The following ELFN2 variants were observed in gnomAD, a reference collection of about 807,000 sequenced individuals.
ELFN2 encodes extracellular leucine rich repeat and fibronectin type III domain containing 2.
In ELFN2, 17 loss-of-function variants were observed where a neutral mutation model predicts 45.5. That is an observed-to-expected ratio of 0.37 (90% CI 0.26 to 0.56). The LOEUF is 0.56. Among genes scored for constraint, ELFN2 ranks in the 20% least tolerant of loss-of-function variants. The pLI is 0.77. For missense variants in ELFN2, 922 were observed against 1,183.2 expected (o/e 0.78, Z 3.24); for synonymous variants, 550 against 551.5 (o/e 1.00, Z 0.04).
chr22:37,410,912 C>A (rs1470761266), intron 2 of ELFN2, among the ~76,000 whole-genome samples: 1 of 152,200 alleles, frequency 6.6e-6, no homozygotes, highest in Non-Finnish European at 1.5e-5. Flanking sequence ...CCTGACCTAG[C>A]ACCCAGAACC....
intron 2 of ELFN2, among the ~76,000 whole-genome samples, chr22:37,395,683 A>G (rs1405547947): frequency 6.6e-6 from 1 of 152,138 alleles, no homozygotes; most frequent in Non-Finnish European, 1.5e-5. Flanking sequence ...TGGACAAGAC[A>G]ACCTGGGGGT....
chr22:37,402,604 G>T (rs6000715), intron 2 of ELFN2, among the ~76,000 whole-genome samples: 73,350 of 151,934 alleles, frequency 0.48, 18,123 homozygotes, highest in African/African-American at 0.57. Flanking sequence ...CAAGGAAGGG[G>T]CTGTGGAGCC....
At chr22:37,399,980 A>G (rs1009673639) in intron 2 of ELFN2, among the ~76,000 whole-genome samples, 3 of 152,174 alleles carry the variant, frequency 2.0e-5, no homozygotes, top group Admixed American at 6.5e-5. Flanking sequence ...TGAGGCACAG[A>G]GAAGGGAAAC....
downstream of ELFN2, among the ~76,000 whole-genome samples, chr22:37,366,024 T>C (rs1931198517): frequency 6.6e-6 from 1 of 152,242 alleles, no homozygotes. Context: ...ATGGCTCACA[T>C]GTTAAGATGC....
chr22:37,417,355 G>A lies in ELFN2; in HGVS notation c.-463+414C>T, dbSNP rs1488818039. On this transcript the variant is annotated intron_variant, in intron 2 of 2. Transcript: ENST00000402918. This position sits in a 1 kb window ranked among gnomAD's most constrained non-coding sequence, Gnocchi z 4.5. The stretch of plus-strand genomic sequence containing the variant: ...ACAATGGACAGACCCCCACCTGAGC[G>A]AGACCCCCACCATGTTGTCCCAGGC... 6.6e-6 allele frequency among the ~76,000 whole-genome samples: 1 copy of A among 152,098 alleles called. No individual in the cohort carries two copies. Among genetic ancestry groups the A allele is most frequent in the East Asian group, 1.9e-4 (1 of 5,194 alleles).
intron 2 of ELFN2, among the ~76,000 whole-genome samples, chr22:37,396,789 G>A (rs771242374): frequency 5.3e-5 from 8 of 152,112 alleles, no homozygotes; most frequent in Non-Finnish European, 7.4e-5. Flanking sequence ...GCTCGGTCAT[G>A]GTCACCACTG....
chr22:37,356,071 G>T (rs1303860118), intron 1 of ELFN2, among the ~76,000 whole-genome samples: 2 of 152,318 alleles, frequency 1.3e-5, no homozygotes, highest in Middle Eastern at 3.4e-3. Context: ...CCAGGAGGGA[G>T]CAACCGGGGA....
At chr22:37,402,802 G>A (rs1274724530) in intron 2 of ELFN2, among the ~76,000 whole-genome samples, 1 of 152,188 alleles carries the variant, frequency 6.6e-6, no homozygotes, top group Non-Finnish European at 1.5e-5. Flanking sequence ...AGGAGGCTGA[G>A]CAGAAGCCAG....
chr22:37,411,905 C>A (rs1292536762), intron 2 of ELFN2, among the ~76,000 whole-genome samples: 1 of 152,098 alleles, frequency 6.6e-6, no homozygotes, highest in Non-Finnish European at 1.5e-5. Context: ...TCACTTCCCA[C>A]CACCAAACAG....
intron 1 of ELFN2, among the ~76,000 whole-genome samples, chr22:37,356,443 G>A (rs1044121224): frequency 1.3e-5 from 2 of 151,902 alleles, no homozygotes; most frequent in Non-Finnish European, 2.9e-5. Context: ...GGGATTCAGG[G>A]TCCTAGAGGT....
chr22:37,404,847 CCT>C (rs2145675262), intron 2 of ELFN2, among the ~76,000 whole-genome samples: 1 of 152,306 alleles, frequency 6.6e-6, no homozygotes, highest in Non-Finnish European at 1.5e-5. Flanking sequence ...AGTCACTTCA[CCT>C]CTCTGAGCCT....
intron 2 of ELFN2, among the ~76,000 whole-genome samples, chr22:37,411,600 T>C (rs923059170): frequency 6.6e-6 from 1 of 151,898 alleles, no homozygotes; most frequent in African/African-American, 2.4e-5. Flanking sequence ...AAGGGCAACA[T>C]AGCCCTTCAT....
At chr22:37,358,057 AC>A (rs1455586185) in intron 1 of ELFN2, among the ~76,000 whole-genome samples, 1 of 152,066 alleles carries the variant, frequency 6.6e-6, no homozygotes, top group Non-Finnish European at 1.5e-5. Context: ...CAGCAGGTGG[AC>A]CTGGCGGGTC....
intron 1 of ELFN2, among the ~76,000 whole-genome samples, chr22:37,359,542 G>A (rs1017168671): frequency 3.9e-5 from 6 of 152,190 alleles, no homozygotes; most frequent in African/African-American, 7.2e-5. Context: ...ATTCTCGAGC[G>A]GCCCCTACCT....
intron 2 of ELFN2, among the ~76,000 whole-genome samples, chr22:37,389,671 G>A (rs974955466): frequency 1.6e-4 from 24 of 152,190 alleles, no homozygotes; most frequent in African/African-American, 5.1e-4. Context: ...ACTTGAACCC[G>A]GGTCTCTGCT....
At position 37,370,940 on chromosome 22, in the gene ELFN2, T is replaced by C. The variant is rs1931348308; in HGVS notation, c.*2132A>G. ...CCTGGCTTCTCTGCCTGCTTGCTTTTCTCAGTTGTGCCAAGGGGGTGTGAG... is the reference window on the plus strand; with the variant it reads ...CCTGGCTTCTCTGCCTGCTTGCTTTCCTCAGTTGTGCCAAGGGGGTGTGAG... On this transcript the variant is annotated 3_prime_UTR_variant, in exon 3 of 3. Transcript: ENST00000402918. 7.0e-6 allele frequency: 1 copy of C among 143,482 alleles called. No homozygotes were observed. The highest frequency in any genetic ancestry group is 1.5e-5 in the Non-Finnish European group (1 of 65,630). 8.9% of individuals were successfully genotyped at this position (143,482 alleles called of 1,614,324 possible). A position where few individuals can be genotyped will look rare whatever the true frequency, so the allele number is the denominator to read the frequency against.
chr22:37,359,174 G>T (rs5756648), intron 1 of ELFN2, among the ~76,000 whole-genome samples: 121,369 of 152,012 alleles, frequency 0.8, 49,042 homozygotes, highest in African/African-American at 0.92. Context: ...AAGGCCACCC[G>T]GCAGGGAATT....
chr22:37,348,161 T>C lies in ELFN2; in HGVS notation n.149-5458A>G, dbSNP rs531847632. Among the ~76,000 whole-genome samples the C allele has an allele frequency of 5.9e-5, 9 of 152,336 alleles. No individual in the cohort carries two copies. In the South Asian group the frequency reaches 1.4e-3, roughly 25 times the overall value. On this transcript the variant is annotated intron_variant and non_coding_transcript_variant, in intron 1 of 2. Coordinates refer to ENST00000452946, the Ensembl canonical transcript of ELFN2. ...TTGGCAGAGGCCAGTGTGGGCCACG[T>C]TGAGGCTGGAAGTTCACAGACACGT...
chr22:37,351,367 G>A (rs899449821), intron 1 of ELFN2, among the ~76,000 whole-genome samples: 3 of 150,314 alleles, frequency 2.0e-5, no homozygotes, highest in Non-Finnish European at 3.0e-5. Context: ...CACCCAGCTG[G>A]AAAATTGGGT....
Sources: allele counts gnomAD v4.1 joint callset (sites outside exome capture counted in the v4.1 genomes callset), GRCh38; gene constraint gnomAD v4.1.1; non-coding constraint Gnocchi (gnomAD v3.1); transcripts MANE v1.5; gene names NCBI Gene and HGNC (gene_info 2026-07-23, HGNC 2026-07-21).